PRKACB: variants seen among roughly 807,000 people sequenced by gnomAD.
PRKACB encodes the protein cAMP-dependent protein kinase catalytic subunit beta.
A neutral mutation model predicts 51.4 loss-of-function variants in PRKACB; 16 were observed. The observed-to-expected ratio is 0.31, with a 90% CI of 0.21 to 0.47. The LOEUF (loss-of-function observed/expected upper bound fraction) is 0.47, where lower values mean the gene tolerates loss of function less well. Ranked by LOEUF, PRKACB falls within the 20% of genes least tolerant of loss-of-function variation. PRKACB has a pLI of 1.00. For synonymous variants in PRKACB, 147 were observed against 154.4 expected, an observed-to-expected ratio of 0.95 and a Z score of 0.35; for missense variants, 309 against 464.5, an observed-to-expected ratio of 0.67 and a Z score of 3.08.
chr1:84,090,524 G>C (rs145892189), intron 1 of PRKACB, among the ~76,000 whole-genome samples: 6 of 152,272 alleles, frequency 3.9e-5, no homozygotes, highest in African/African-American at 1.4e-4. Context: ...TCACTGCTAT[G>C]GTTTATGGGG....
intron 1 of PRKACB, among the ~76,000 whole-genome samples, chr1:84,132,884 A>G (rs1158174664): frequency 2.6e-5 from 4 of 152,184 alleles, no homozygotes; most frequent in Non-Finnish European, 5.9e-5. Flanking sequence ...GAATGGTGGG[A>G]CATTTTAAAA....
chr1:84,192,338 T>G (rs1278771155), intron 5 of PRKACB, among the ~76,000 whole-genome samples: 1 of 152,168 alleles, frequency 6.6e-6, no homozygotes, highest in Non-Finnish European at 1.5e-5. Context: ...TCTAATTAGG[T>G]CTGTACAATA....
At chr1:84,119,197 A>G (rs1422559944) in intron 1 of PRKACB, among the ~76,000 whole-genome samples, 2 of 152,106 alleles carry the variant, frequency 1.3e-5, no homozygotes, top group East Asian at 1.9e-4. Context: ...AGTGACTGAA[A>G]TACTTCTGAG....
At chr1:84,173,816 TA>T (rs1285128193) in intron 1 of PRKACB, among the ~76,000 whole-genome samples, 1 of 151,858 alleles carries the variant, frequency 6.6e-6, no homozygotes, top group African/African-American at 2.4e-5. Flanking sequence ...AACAAATTTT[TA>T]AACTGTTATT....
Position 84,106,305 on chromosome 1 carries a change from G to A in PRKACB, c.46+27934G>A, listed in dbSNP as rs546690297. Among the ~76,000 whole-genome samples, 120 of 152,258 alleles carry A rather than the reference G, an allele frequency of 7.9e-4. 1 individual carries two copies. In the South Asian group the frequency reaches 0.016, roughly 20 times the overall value. Reference sequence around the variant, plus strand: ...GATAAAAGGCATTCAAATAGGAAGAGGGGAAGTCACATTATCCCTGTTTGC... The same window carrying A: ...GATAAAAGGCATTCAAATAGGAAGAAGGGAAGTCACATTATCCCTGTTTGC... On this transcript the variant is annotated intron_variant, in intron 1 of 8. Coordinates refer to the PRKACB transcript ENST00000370688.
At chr1:84,174,881 CTT>C (rs1218197873) in intron 1 of PRKACB, among the ~76,000 whole-genome samples, 3 of 151,790 alleles carry the variant, frequency 2.0e-5, no homozygotes, top group Non-Finnish European at 4.4e-5. Context: ...TTGAAGATAA[CTT>C]ATTTGAATAC....
chr1:84,225,087 C>T (rs1174740593), intron 9 of PRKACB, among the ~76,000 whole-genome samples: 1 of 152,132 alleles, frequency 6.6e-6, no homozygotes, highest in Non-Finnish European at 1.5e-5. Context: ...GGAGGGGTGG[C>T]ACTTAAAGGG....
chr1:84,163,341 T>C (rs1478331288), intron 1 of PRKACB, among the ~76,000 whole-genome samples: 3 of 152,102 alleles, frequency 2.0e-5, no homozygotes, highest in Admixed American at 2.0e-4. Flanking sequence ...CTGTCTCATC[T>C]TCATTTACCC....
intron 1 of PRKACB, among the ~76,000 whole-genome samples, chr1:84,148,855 T>C (rs1338831783): frequency 2.0e-5 from 3 of 152,168 alleles, no homozygotes; most frequent in African/African-American, 7.2e-5. Context: ...TGTACTAACA[T>C]AACGAGAAGC....
intron 1 of PRKACB, chr1:84,078,396 A>G: frequency 6.2e-7 from 1 of 1,606,396 alleles, no homozygotes; most frequent in South Asian, 1.1e-5. Context: ...GGGTCTGGGT[A>G]TCCGCTGGGC....
At chr1:84,208,718 C>T (rs746735871) in intron 8 of PRKACB, among the ~76,000 whole-genome samples, 5 of 152,104 alleles carry the variant, frequency 3.3e-5, no homozygotes, top group African/African-American at 4.8e-5. Flanking sequence ...AAAATAAAAA[C>T]TGTGTTGAAT....
intron 2 of PRKACB, chr1:84,181,619 T>C: frequency 7.9e-7 from 1 of 1,262,102 alleles, no homozygotes; most frequent in Non-Finnish European, 1.0e-6. Context: ...GATAATACTG[T>C]GTTTTTATAA....
intron 2 of PRKACB, among the ~76,000 whole-genome samples, chr1:84,181,249 A>G (rs578075758): frequency 5.3e-5 from 8 of 152,174 alleles, no homozygotes; most frequent in African/African-American, 1.9e-4. Context: ...AAAGAATCAT[A>G]CTGCATCACA....
At chr1:84,177,553 C>G (rs919351771) in intron 1 of PRKACB, among the ~76,000 whole-genome samples, 3 of 151,910 alleles carry the variant, frequency 2.0e-5, no homozygotes, top group Non-Finnish European at 4.4e-5. Flanking sequence ...CAAGCCTGGG[C>G]AGCACAGTTA....
At chr1:84,113,106 T>C (rs957541416) in intron 1 of PRKACB, among the ~76,000 whole-genome samples, 1 of 152,170 alleles carries the variant, frequency 6.6e-6, no homozygotes, top group Non-Finnish European at 1.5e-5. Flanking sequence ...TATGAAAATA[T>C]TTTATTTCAC....
In PRKACB at chr1:84,115,546, A is replaced by G. The variant is rs546264676; in HGVS notation, c.46+37175A>G. ...TAGTTTAATTAAGTTTCATTTGTCT[A>G]TTGGTGTTTTTGTTGCCTGTATTTT... On this transcript the variant is annotated intron_variant, in intron 1 of 8. Transcript: ENST00000370688. Among the ~76,000 whole-genome samples, 7 of 150,496 alleles carry G rather than the reference A, an allele frequency of 4.7e-5. No homozygotes were observed. The East Asian group carries it at 9.9e-4, about 21-fold the overall frequency.
chr1:84,100,092 G>T (rs11163901), intron 1 of PRKACB, among the ~76,000 whole-genome samples: 2,812 of 152,304 alleles, frequency 0.018, 91 homozygotes, highest in East Asian at 0.15. Flanking sequence ...CACATGGCCA[G>T]AGAGGCCTCA....
chr1:84,162,324 T>A lies in PRKACB; in HGVS notation c.188-16853T>A, dbSNP rs540553394. Among the ~76,000 whole-genome samples, 5 of 152,214 alleles carry A rather than the reference T, an allele frequency of 3.3e-5. 1 individual carries two copies. Among genetic ancestry groups the A allele is most frequent in the African/African-American group, 1.2e-4 (5 of 41,564 alleles). ...TGAGCTTCTTGGATCCATAGGTTAC[T>A]GTTTTCCATCAAATTGGGACATTTT... On this transcript the variant is annotated intron_variant, in intron 1 of 9. Transcript: ENST00000370685.
chr1:84,185,097 T>C lies in PRKACB; in HGVS notation c.478-3T>C, dbSNP rs1053953498. On this transcript the variant is annotated splice_region_variant and splice_polypyrimidine_tract_variant and intron_variant, in intron 4 of 9. Transcript: ENST00000370685. ...ATTGTATTTCCTTTTTATTTGTTCA[T>C]AGGATAATTCTAATTTATACATGGT... The C allele has an allele frequency of 6.9e-7, 1 of 1,450,854 alleles. No homozygotes were observed. The allele number at this position is 1,450,854 out of a possible 1,614,324, so 89.9% of individuals were successfully genotyped here. A position where few individuals can be genotyped will look rare whatever the true frequency, so the allele number is the denominator to read the frequency against.
Sources: gnomAD v4.1 joint callset for allele counts (sites outside exome capture counted in the v4.1 genomes callset) on GRCh38, gnomAD v4.1.1 for gene constraint, MANE v1.5 for transcripts, NCBI Gene and HGNC (gene_info 2026-07-23, HGNC 2026-07-21) for gene names.